IGSF10: variants seen among roughly 807,000 people sequenced by gnomAD.
IGSF10 encodes the protein immunoglobulin superfamily member 10, also known as calvaria mechanical force protein 608.
Under a neutral mutation model 128.2 loss-of-function variants are expected in IGSF10, and 126 were observed. That is an observed-to-expected ratio of 0.98 (90% CI 0.85 to 1.14). The LOEUF is 1.14. IGSF10 is among the 50% of genes most tolerant of loss of function. The pLI, the probability that IGSF10 is intolerant of heterozygous loss-of-function variation, is 0.00. For synonymous variants in IGSF10, 1,185 were observed against 1,146.2 expected (o/e 1.03, Z -0.68); for missense variants, 3,295 against 3,149.8 (o/e 1.05, Z -1.10).
rs981997596 is a variant in IGSF10 at position 151,446,561 on chromosome 3, A to C, written c.3420T>G (p.Gly1140=). The change falls in exon 6 of 8, where the codon GGT becomes GGG. Residue 1140 remains glycine, a synonymous_variant. Coordinates refer to ENST00000282466, the MANE Select transcript of IGSF10 (RefSeq NM_178822.5). ...ATGTTGGAGCATATGTCATGACTGC[A>C]CCAGTTGGAGTCACTTGGGAAATTT... The part of the protein sequence containing the change: ...RTEISQVTPT[G]AVMTYAPTSI... 6.2e-7 allele frequency: 1 copy of C among 1,614,008 alleles called. No homozygotes were observed. The highest frequency in any genetic ancestry group is 8.5e-7 in the Non-Finnish European group (1 of 1,179,878).
At chr3:151,441,789 C>T (rs369365678) in intron 7 of IGSF10, among the ~76,000 whole-genome samples, 3 of 152,126 alleles carry the variant, frequency 2.0e-5, no homozygotes, top group African/African-American at 7.2e-5. Context: ...AGGCCAGGCA[C>T]GGTGGCTCAT....
chr3:151,537,770 T>C, the IGSF10 span, among the ~76,000 whole-genome samples: 1 of 152,196 alleles, frequency 6.6e-6, no homozygotes, highest in Admixed American at 6.5e-5. Context: ...CTCTGATCTG[T>C]AATTCAATAA....
the IGSF10 span, among the ~76,000 whole-genome samples, chr3:151,582,291 C>CT: frequency 9.0e-4 from 16 of 17,866 alleles, 1 homozygote; most frequent in African/African-American, 3.5e-3. Flanking sequence ...TTAAAAATAT[C>CT]CGGGGGGGGG....
At chr3:151,587,216 C>T in the IGSF10 span, among the ~76,000 whole-genome samples, 1 of 152,166 alleles carries the variant, frequency 6.6e-6, no homozygotes, top group Non-Finnish European at 1.5e-5. Flanking sequence ...TTCCTGCATT[C>T]AGGGAGCTCC....
chr3:151,437,330 A>G lies in IGSF10; in HGVS notation c.7231T>C (p.Cys2411Arg). ...TTREDAGKYR[C>R]AARNKVGYIE... is the part of the protein sequence containing the mutation. ...TAGCCAACTTTATTCCTAGCTGCAC[A>G]GCGATATTTTCCTGCATCCTCCCGA... Residue 2411 changes from cysteine to arginine, a missense_variant, in exon 8 of 8, where the codon TGT becomes CGT. Cys to Arg is a radical substitution (Grantham distance 180). Coordinates refer to ENST00000282466, the MANE Select transcript of IGSF10 (RefSeq NM_178822.5). 1.9e-6 allele frequency: 3 copies of G among 1,614,202 alleles called. No homozygotes were observed. Among genetic ancestry groups the G allele is most frequent in the East Asian group, 2.2e-5 (1 of 44,870 alleles).
At chr3:151,435,158 C>G (rs1257315533), downstream of IGSF10, 2 of 148,572 alleles carry the variant, frequency 1.3e-5, no homozygotes, top group African/African-American at 5.0e-5. Flanking sequence ...GGTACTTTAC[C>G]TTACCAGAGG....
At chr3:151,563,097 C>G in the IGSF10 span, among the ~76,000 whole-genome samples, 7 of 139,524 alleles carry the variant, frequency 5.0e-5, no homozygotes, top group East Asian at 1.5e-3. Context: ...TAGCTCAGAA[C>G]TCCTAACACA....
At chr3:151,490,783 G>A in the IGSF10 span, among the ~76,000 whole-genome samples, 5 of 151,964 alleles carry the variant, frequency 3.3e-5, no homozygotes, top group South Asian at 8.3e-4. Context: ...CAACCAATAA[G>A]TCAACAAATA....
At chr3:151,520,084 C>CAATGT in the IGSF10 span, among the ~76,000 whole-genome samples, 1 of 151,472 alleles carries the variant, frequency 6.6e-6, no homozygotes, top group Non-Finnish European at 1.5e-5. Context: ...CAGTGATAGT[C>CAATGT]AATGTATGCA....
chr3:151,516,966 T>C, the IGSF10 span, among the ~76,000 whole-genome samples: 1 of 151,862 alleles, frequency 6.6e-6, no homozygotes. Context: ...CCAATTGTAT[T>C]TGGGATGTCA....
chr3:151,566,705 C>T, the IGSF10 span, among the ~76,000 whole-genome samples: 4 of 152,144 alleles, frequency 2.6e-5, no homozygotes, highest in Admixed American at 6.5e-5. Context: ...TGCTATGTGC[C>T]GGAGGGCAGA....
At chr3:151,598,892 A>T in the IGSF10 span, among the ~76,000 whole-genome samples, 1 of 152,210 alleles carries the variant, frequency 6.6e-6, no homozygotes, top group Non-Finnish European at 1.5e-5. Context: ...TTAGCTTAAC[A>T]ATAAGTGAGT....
the IGSF10 span, among the ~76,000 whole-genome samples, chr3:151,498,173 C>T: frequency 7.9e-5 from 12 of 152,112 alleles, no homozygotes; most frequent in East Asian, 3.8e-4. Context: ...ATTTCCTTCT[C>T]CTGCCTGATT....
the IGSF10 span, among the ~76,000 whole-genome samples, chr3:151,480,263 G>A: frequency 1.3e-5 from 2 of 152,076 alleles, no homozygotes; most frequent in African/African-American, 4.8e-5. Flanking sequence ...CCAGGATGCT[G>A]CATGGAGAAG....
intron 5 of IGSF10, 132 bp downstream of exon 5, chr3:151,453,252 C>T: frequency 1.3e-6 from 1 of 740,812 alleles, no homozygotes; most frequent in Non-Finnish European, 2.1e-6. Context: ...GTAAATAATT[C>T]ATTATTCTTG....
At chr3:151,609,590 T>A in the IGSF10 span, among the ~76,000 whole-genome samples, 1 of 151,912 alleles carries the variant, frequency 6.6e-6, no homozygotes, top group African/African-American at 2.4e-5. Context: ...GAAATCAATC[T>A]AGATGCCTAT....
intron 4 of IGSF10, among the ~76,000 whole-genome samples, chr3:151,455,006 A>C (rs1721712346): frequency 6.6e-6 from 1 of 152,172 alleles, no homozygotes; most frequent in African/African-American, 2.4e-5. Flanking sequence ...ATTCTGTCTC[A>C]AAAAAATAAT....
chr3:151,489,275 A>T, the IGSF10 span, among the ~76,000 whole-genome samples: 20 of 152,228 alleles, frequency 1.3e-4, no homozygotes, highest in African/African-American at 4.6e-4. Flanking sequence ...CCACAATGAG[A>T]TACCATCTCA....
the IGSF10 span, among the ~76,000 whole-genome samples, chr3:151,579,481 G>T: frequency 6.6e-6 from 1 of 152,052 alleles, no homozygotes; most frequent in Non-Finnish European, 1.5e-5. Flanking sequence ...GAAAATATAG[G>T]GATTTTTGTC....
Sources: gnomAD v4.1 joint callset for allele counts (sites outside exome capture counted in the v4.1 genomes callset) on GRCh38, gnomAD v4.1.1 for gene constraint, MANE v1.5 for transcripts, NCBI Gene and HGNC (gene_info 2026-07-23, HGNC 2026-07-21) for gene names.